The following KCNMA1 variants were observed in gnomAD, a reference collection of about 807,000 sequenced individuals.
The protein encoded by KCNMA1 is potassium calcium-activated channel subfamily M alpha 1.
A neutral mutation model predicts 140.0 loss-of-function variants in KCNMA1; 29 were observed. The ratio of observed to expected loss-of-function variants is 0.21; its 90% CI spans 0.15 to 0.28. The LOEUF (loss-of-function observed/expected upper bound fraction) is 0.28, where lower values mean the gene tolerates loss of function less well. Among genes scored for constraint, KCNMA1 ranks in the 10% least tolerant of loss-of-function variants. The pLI, the probability that KCNMA1 is intolerant of heterozygous loss-of-function variation, is 1.00. For synonymous variants in KCNMA1, 612 were observed against 611.9 expected (o/e 1.00, Z 0.00); for missense variants, 880 against 1,602.2 (o/e 0.55, Z 7.70).
intron 22 of KCNMA1, 52 bp from the exon 23 acceptor site, chr10:76,945,017 G>C: frequency 2.7e-6 from 2 of 732,260 alleles, no homozygotes; most frequent in Non-Finnish European, 4.0e-6. Flanking sequence ...GAAAGAGACA[G>C]AGAGAGAGAG....
chr10:77,324,971 C>CTCTCTCTCTCTGTGTGTG (rs766240356), intron 2 of KCNMA1, among the ~76,000 whole-genome samples: 79 of 90,434 alleles, frequency 8.7e-4, no homozygotes, highest in South Asian at 1.9e-3. Context: ...CTCTCTCTCT[C>CTCTCTCTCTCTGTGTGTG]TGTGTGTGTG....
At chr10:77,563,093 C>T (rs1175708148) in intron 1 of KCNMA1, among the ~76,000 whole-genome samples, 1 of 151,230 alleles carries the variant, frequency 6.6e-6, no homozygotes, top group East Asian at 1.9e-4. Flanking sequence ...ATTTTTGATT[C>T]ATGCCCAGGC....
intron 19 of KCNMA1, among the ~76,000 whole-genome samples, chr10:76,996,728 C>T (rs930874270): frequency 6.6e-5 from 10 of 152,096 alleles, no homozygotes; most frequent in Admixed American, 1.3e-4. Context: ...CACATCGATT[C>T]GTGCTTATTA....
rs180697058 is a variant in KCNMA1 at position 77,388,180 on chromosome 10, G to T, written c.540+15682C>A. Among the ~76,000 whole-genome samples the T allele has an allele frequency of 1.2e-3, 182 of 152,170 alleles. 1 individual carries two copies. The highest frequency in any genetic ancestry group is 4.2e-3 in the African/African-American group (176 of 41,518). ...CTACCTTGGTTTTCTTTTCTCTTTG[G>T]CCTTCTTTCCAAGTCTTAGCAGCCA... is the stretch of plus-strand genomic sequence containing the variant. On this transcript the variant is annotated intron_variant, in intron 2 of 27. Coordinates refer to ENST00000286628, the MANE Select transcript of KCNMA1 (RefSeq NM_001161352.2).
intron 19 of KCNMA1, among the ~76,000 whole-genome samples, chr10:76,983,329 A>G (rs1443722674): frequency 2.6e-5 from 4 of 152,214 alleles, no homozygotes; most frequent in Admixed American, 2.6e-4. Context: ...TGCAGCCCTT[A>G]GCGCAGTATG....
intron 9 of KCNMA1, among the ~76,000 whole-genome samples, chr10:77,098,769 C>T (rs1257297952): frequency 3.3e-5 from 5 of 151,838 alleles, no homozygotes; most frequent in Non-Finnish European, 7.4e-5. Context: ...TCTTTCCTTC[C>T]TTCCTCTCTG....
chr10:77,088,850 T>C (rs1595716395), intron 10 of KCNMA1, among the ~76,000 whole-genome samples: 1 of 152,224 alleles, frequency 6.6e-6, no homozygotes, highest in Non-Finnish European at 1.5e-5. Context: ...GGTAATACCA[T>C]AGACTGATGC....
chr10:77,026,645 A>AT (rs71028246), intron 16 of KCNMA1, among the ~76,000 whole-genome samples: 6 of 151,888 alleles, frequency 4.0e-5, no homozygotes, highest in African/African-American at 1.5e-4. Flanking sequence ...CAAATCTACC[A>AT]TTTTTTTCTT....
intron 1 of KCNMA1, among the ~76,000 whole-genome samples, chr10:77,497,446 T>C (rs1197484780): frequency 6.6e-6 from 1 of 152,182 alleles, no homozygotes; most frequent in Non-Finnish European, 1.5e-5. Flanking sequence ...CAGAGTCTAT[T>C]CCTGACACTG....
At chr10:77,444,300 T>C (rs2097477884) in intron 1 of KCNMA1, among the ~76,000 whole-genome samples, 2 of 152,228 alleles carry the variant, frequency 1.3e-5, no homozygotes, top group Admixed American at 1.3e-4. Flanking sequence ...ACTCCTGCAC[T>C]GGGAAAAGAC....
intron 1 of KCNMA1, among the ~76,000 whole-genome samples, chr10:77,599,224 G>A (rs998667875): frequency 2.0e-5 from 3 of 152,310 alleles, no homozygotes; most frequent in Non-Finnish European, 4.4e-5. Context: ...CGCCCCACAC[G>A]GAGCCTTGGT....
At chr10:77,390,857 CCT>C (rs2095797170) in intron 2 of KCNMA1, among the ~76,000 whole-genome samples, 2 of 152,042 alleles carry the variant, frequency 1.3e-5, no homozygotes, top group Admixed American at 6.6e-5. Flanking sequence ...TGTGATTCAG[CCT>C]CTGTTTCAAG....
intron 21 of KCNMA1, 87 bp downstream of exon 21, chr10:76,953,714 C>T (rs558223964): frequency 2.0e-6 from 3 of 1,484,558 alleles, no homozygotes; most frequent in African/African-American, 1.4e-5. Context: ...CAGTATTATC[C>T]CACTGTCCAA....
chr10:76,957,148 A>AAAG (rs2068716932), intron 20 of KCNMA1, among the ~76,000 whole-genome samples: 1 of 151,548 alleles, frequency 6.6e-6, no homozygotes, highest in African/African-American at 2.4e-5. Context: ...AAAAAAAAAA[A>AAAG]AAAATTAGCA....
At chr10:77,630,320 G>C (rs1258103383) in intron 1 of KCNMA1, among the ~76,000 whole-genome samples, 1 of 152,156 alleles carries the variant, frequency 6.6e-6, no homozygotes, top group African/African-American at 2.4e-5. Flanking sequence ...TGGACTTCGG[G>C]AAGTCACACC....
intron 25 of KCNMA1, 59 bp from the exon 26 acceptor site, chr10:76,891,778 C>G: frequency 7.2e-7 from 1 of 1,380,324 alleles, no homozygotes; most frequent in East Asian, 2.3e-5. Context: ...AAAGTCATGA[C>G]AGCCGACATC....
intron 9 of KCNMA1, among the ~76,000 whole-genome samples, chr10:77,093,866 C>T (rs2096869864): frequency 6.6e-6 from 1 of 152,160 alleles, no homozygotes; most frequent in African/African-American, 2.4e-5. Context: ...CTGTTGGGTT[C>T]CATGATGCCT....
chr10:77,082,007 CTTTTTTTTT>C (rs201288668), intron 12 of KCNMA1, among the ~76,000 whole-genome samples: 3 of 32,500 alleles, frequency 9.2e-5, no homozygotes, highest in East Asian at 4.9e-4. Flanking sequence ...TTTTTCTTTT[CTTTTTTTTT>C]TTTTTTTTTT....
intron 3 of KCNMA1, 140 bp from the exon 4 acceptor site, chr10:77,185,056 T>C (rs2098837734): frequency 1.4e-6 from 1 of 698,894 alleles, no homozygotes; most frequent in African/African-American, 1.8e-5. Flanking sequence ...TCTTTCTGCC[T>C]CCTGGGATCA....
Sources: allele counts gnomAD v4.1 joint callset (sites outside exome capture counted in the v4.1 genomes callset), GRCh38; gene constraint gnomAD v4.1.1; transcripts MANE v1.5; gene names NCBI Gene and HGNC (gene_info 2026-07-23, HGNC 2026-07-21).